KLRG1: variants seen among roughly 807,000 people sequenced by gnomAD.
KLRG1 encodes the protein killer cell lectin-like receptor subfamily G member 1.
Under a neutral mutation model 21.8 loss-of-function variants are expected in KLRG1, and 16 were observed. That is an observed-to-expected ratio of 0.73 (90% CI 0.50 to 1.11). The LOEUF (loss-of-function observed/expected upper bound fraction) is 1.11, where lower values mean the gene tolerates loss of function less well. Ranked by LOEUF, KLRG1 falls within the 50% of genes most tolerant of loss-of-function variation. The probability of loss-of-function intolerance (pLI) is 0.00; values close to 1 mark genes in which losing one functional copy is unlikely to be tolerated. For missense variants in KLRG1, 173 were observed against 218.3 expected, an observed-to-expected ratio of 0.79 and a Z score of 1.31; for synonymous variants, 69 against 75.9, an observed-to-expected ratio of 0.91 and a Z score of 0.47.
chr12:9,163,504 A>G, the KLRG1 span, among the ~76,000 whole-genome samples: 2 of 152,146 alleles, frequency 1.3e-5, no homozygotes, highest in African/African-American at 2.4e-5. Context: ...AAAATTTACA[A>G]TAGCTGGCAA....
chr12:9,132,404 G>T, the KLRG1 span, among the ~76,000 whole-genome samples: 4 of 152,224 alleles, frequency 2.6e-5, no homozygotes, highest in Admixed American at 2.6e-4. Context: ...CAGAAAGGAG[G>T]TCAACTTGAC....
Position 9,010,115 on chromosome 12 carries a change from G to A in KLRG1, c.*578G>A, listed in dbSNP as rs954935814. 80 of 1,024,156 alleles carry A rather than the reference G, an allele frequency of 7.8e-5. 3 individuals are homozygous for A. In the South Asian group the frequency reaches 1.1e-3, roughly 14 times the overall value. The allele number at this position is 1,024,156 out of a possible 1,614,324, so 63.4% of individuals were successfully genotyped here. On this transcript the variant is annotated 3_prime_UTR_variant, in exon 5 of 5. Transcript: ENST00000356986. ...GTGGGAGGGTCGCTTGAGCCCAGGA[G>A]TTTGAGGCTGCAGTGAGCTATGATT...
At chr12:9,061,981 TA>T in the KLRG1 span, among the ~76,000 whole-genome samples, 2 of 151,958 alleles carry the variant, frequency 1.3e-5, no homozygotes, top group Non-Finnish European at 2.9e-5. Context: ...ATATAGTGTA[TA>T]AAAAATCACC....
chr12:9,106,637 T>A, the KLRG1 span: 2 of 1,159,626 alleles, frequency 1.7e-6, no homozygotes, highest in Non-Finnish European at 2.5e-6. Flanking sequence ...TACAAAAATA[T>A]AATGCATATT....
chr12:9,097,150 T>G, the KLRG1 span, among the ~76,000 whole-genome samples: 1 of 152,296 alleles, frequency 6.6e-6, no homozygotes, highest in South Asian at 2.1e-4. Flanking sequence ...TATAAAAGTA[T>G]AAAACATGTA....
intron 1 of KLRG1, among the ~76,000 whole-genome samples, chr12:8,957,216 A>G (rs148068398): frequency 0.013 from 1,947 of 152,314 alleles, 23 homozygotes; most frequent in Non-Finnish European, 0.018. Flanking sequence ...CATTTTATGA[A>G]TACAGTAGCC....
the KLRG1 span, chr12:9,157,395 T>C: frequency 1.3e-6 from 2 of 1,580,340 alleles, no homozygotes; most frequent in Non-Finnish European, 8.6e-7. Flanking sequence ...CTAGGGTGAA[T>C]AGAGGGCAGA....
chr12:9,172,884 T>A, the KLRG1 span, among the ~76,000 whole-genome samples: 5 of 152,206 alleles, frequency 3.3e-5, no homozygotes, highest in Non-Finnish European at 7.3e-5. Context: ...AGCGAGAGAC[T>A]TTAACACACC....
the KLRG1 span, among the ~76,000 whole-genome samples, chr12:9,105,594 C>T: frequency 6.6e-6 from 1 of 152,086 alleles, no homozygotes; most frequent in Admixed American, 6.6e-5. Flanking sequence ...CATAAAGATC[C>T]ATTTGCACAT....
the KLRG1 span, chr12:9,152,196 C>A: frequency 1.4e-6 from 2 of 1,480,274 alleles, no homozygotes; most frequent in Non-Finnish European, 9.4e-7. Flanking sequence ...TGTATGAAGT[C>A]TATTAGGATT....
intron 1 of KLRG1, among the ~76,000 whole-genome samples, chr12:8,969,844 T>C (rs761946296): frequency 2.1e-4 from 32 of 152,210 alleles, no homozygotes; most frequent in African/African-American, 7.5e-4. Flanking sequence ...CTGGGCATGG[T>C]GGGGCTCATG....
chr12:9,072,433 T>G, the KLRG1 span: 2 of 1,613,698 alleles, frequency 1.2e-6, no homozygotes, highest in Non-Finnish European at 8.5e-7. Context: ...TCTGCACTCC[T>G]AAAGCAAAGG....
At chr12:8,999,421 A>G (rs1947240145) in intron 3 of KLRG1, among the ~76,000 whole-genome samples, 1 of 152,194 alleles carries the variant, frequency 6.6e-6, no homozygotes, top group Admixed American at 6.5e-5. Context: ...ATATGATCCA[A>G]CTTTACTCTT....
chr12:8,979,233 G>A (rs993081863), intron 1 of KLRG1, among the ~76,000 whole-genome samples: 3 of 151,762 alleles, frequency 2.0e-5, no homozygotes, highest in African/African-American at 4.8e-5. Flanking sequence ...GGCCAGGCTG[G>A]CCTTGAACTC....
chr12:8,961,868 A>G (rs1946387610), intron 1 of KLRG1, among the ~76,000 whole-genome samples: 2 of 152,316 alleles, frequency 1.3e-5, no homozygotes, highest in South Asian at 4.1e-4. Flanking sequence ...GGAGGATCAC[A>G]TGAGGCCAAG....
chr12:9,155,028 C>T, the KLRG1 span, among the ~76,000 whole-genome samples: 7 of 152,022 alleles, frequency 4.6e-5, no homozygotes, highest in Admixed American at 2.6e-4. Flanking sequence ...TCCTGTGGTA[C>T]GAAGGTAGGG....
At chr12:8,996,893 T>A (rs1005766134) in intron 3 of KLRG1, among the ~76,000 whole-genome samples, 1 of 152,178 alleles carries the variant, frequency 6.6e-6, no homozygotes, top group Non-Finnish European at 1.5e-5. Context: ...CTTGAAACAT[T>A]GAGGGCAAAA....
the KLRG1 span, among the ~76,000 whole-genome samples, chr12:9,123,858 C>A: frequency 7.3e-6 from 1 of 136,142 alleles, no homozygotes. Context: ...TTTTTTTTCG[C>A]GGAAAATGCA....
At chr12:9,097,703 G>A in the KLRG1 span, among the ~76,000 whole-genome samples, 2 of 149,012 alleles carry the variant, frequency 1.3e-5, no homozygotes, top group African/African-American at 2.5e-5. Context: ...GCACGATCTC[G>A]GCTCACTCAA....
Sources: gnomAD v4.1 joint callset for allele counts (sites outside exome capture counted in the v4.1 genomes callset) on GRCh38, gnomAD v4.1.1 for gene constraint, MANE v1.5 for transcripts, NCBI Gene and HGNC (gene_info 2026-07-23, HGNC 2026-07-21) for gene names.